The following CDH13 variants were observed in gnomAD, a reference collection of about 807,000 sequenced individuals.
CDH13 encodes cadherin-13.
CDH13 carries 24 observed loss-of-function variants against 63.8 expected under a neutral mutation model. That is an observed-to-expected ratio of 0.38 (90% CI 0.27 to 0.53). CDH13 has a LOEUF of 0.53. CDH13 is among the 20% of genes least tolerant of loss of function. The pLI is 0.85. For missense variants in CDH13, 1,049 were observed against 903.1 expected, an observed-to-expected ratio of 1.16 and a Z score of -2.07; for synonymous variants, 503 against 355.3, an observed-to-expected ratio of 1.42 and a Z score of -4.67.
intron 1 of CDH13, among the ~76,000 whole-genome samples, chr16:82,852,758 A>T (rs1036487408): frequency 1.3e-5 from 2 of 152,352 alleles, no homozygotes. Context: ...AGTGGTGCTG[A>T]GAAGGAAAGC....
At chr16:82,941,437 T>G (rs7200922) in intron 2 of CDH13, among the ~76,000 whole-genome samples, 48,733 of 152,068 alleles carry the variant, frequency 0.32, 8,963 homozygotes, top group African/African-American at 0.5. Flanking sequence ...CTCCTAGCTC[T>G]AAGATCAGCT....
intron 11 of CDH13, among the ~76,000 whole-genome samples, chr16:83,768,303 G>C (rs1465682884): frequency 3.3e-5 from 5 of 152,102 alleles, no homozygotes; most frequent in Non-Finnish European, 7.4e-5. Context: ...TAGCTAAGTG[G>C]AAATCCTGTT....
intron 1 of CDH13, among the ~76,000 whole-genome samples, chr16:82,694,977 A>G (rs1177061044): frequency 6.6e-6 from 1 of 152,092 alleles, no homozygotes; most frequent in Non-Finnish European, 1.5e-5. Context: ...TTTGAAGGAA[A>G]ACACATAATG....
chr16:82,703,463 C>T (rs1363080590), intron 1 of CDH13, among the ~76,000 whole-genome samples: 3 of 152,108 alleles, frequency 2.0e-5, no homozygotes, highest in Admixed American at 6.5e-5. Context: ...GGATAAATTT[C>T]CCCACTCCCT....
chr16:83,743,748 C>CCTTTTTTTTTT (rs1912280138), intron 10 of CDH13, among the ~76,000 whole-genome samples: 1 of 76,258 alleles, frequency 1.3e-5, no homozygotes, highest in African/African-American at 5.5e-5. Context: ...TTTCTTTTTT[C>CCTTTTTTTTTT]TTTTTTTTTT....
chr16:82,771,494 C>T (rs1292392744), intron 1 of CDH13, among the ~76,000 whole-genome samples: 1 of 152,180 alleles, frequency 6.6e-6, no homozygotes, highest in Non-Finnish European at 1.5e-5. Flanking sequence ...CATTACAGCT[C>T]GCTTCACCAC....
chr16:83,080,881 T>TG (rs1231075954), intron 3 of CDH13, among the ~76,000 whole-genome samples: 4 of 110,754 alleles, frequency 3.6e-5, no homozygotes, highest in East Asian at 3.1e-4. Context: ...GTTTTTTTTT[T>TG]TTTTTTTTTT....
intron 2 of CDH13, among the ~76,000 whole-genome samples, chr16:82,870,111 G>A (rs756922225): frequency 4.0e-5 from 6 of 151,746 alleles, no homozygotes; most frequent in Non-Finnish European, 7.4e-5. Context: ...ATATAAGGAA[G>A]TCAAACAACT....
chr16:83,584,675 T>A (rs1359256849), intron 7 of CDH13, among the ~76,000 whole-genome samples: 4 of 152,216 alleles, frequency 2.6e-5, no homozygotes, highest in Non-Finnish European at 5.9e-5. Context: ...TGTAGTGTTA[T>A]GATGCTGAGA....
intron 4 of CDH13, among the ~76,000 whole-genome samples, chr16:83,128,421 G>A (rs979885829): frequency 6.6e-6 from 1 of 152,168 alleles, no homozygotes; most frequent in East Asian, 1.9e-4. Context: ...CAGCTTCTAG[G>A]TGATTGTGAT....
chr16:83,001,457 G>A (rs1912920553), intron 2 of CDH13, among the ~76,000 whole-genome samples: 1 of 152,288 alleles, frequency 6.6e-6, no homozygotes, highest in Admixed American at 6.5e-5. Flanking sequence ...GCTCCAATGG[G>A]CCAGTATTCA....
chr16:82,853,507 G>A (rs922276222), intron 1 of CDH13, among the ~76,000 whole-genome samples: 3 of 152,170 alleles, frequency 2.0e-5, no homozygotes, highest in African/African-American at 7.2e-5. Flanking sequence ...CATAACGGGT[G>A]AGATACCATT....
intron 5 of CDH13, among the ~76,000 whole-genome samples, chr16:83,258,084 G>A (rs1294769635): frequency 6.6e-6 from 1 of 152,142 alleles, no homozygotes; most frequent in African/African-American, 2.4e-5. Context: ...AAATTAAACT[G>A]AGTCTTTATA....
intron 4 of CDH13, among the ~76,000 whole-genome samples, chr16:83,145,239 G>A (rs371819606): frequency 7.6e-4 from 116 of 152,252 alleles, no homozygotes; most frequent in Middle Eastern, 3.4e-3. Context: ...TGACAAACTC[G>A]GAGCAGGGGT....
chr16:83,765,997 T>G (rs1209332786), intron 11 of CDH13, among the ~76,000 whole-genome samples: 2 of 152,186 alleles, frequency 1.3e-5, no homozygotes, highest in African/African-American at 4.8e-5. Context: ...GTACCGCTCT[T>G]GTGTCCATGC....
At chr16:83,442,353 T>C (rs182613288) in intron 6 of CDH13, among the ~76,000 whole-genome samples, 1 of 152,280 alleles carries the variant, frequency 6.6e-6, no homozygotes, top group East Asian at 1.9e-4. Flanking sequence ...ACATCCTGCC[T>C]CCCACCTCCA....
At position 83,184,153 on chromosome 16, in the gene CDH13, A is replaced by T. The variant is rs2038439540; in HGVS notation, c.484-33192A>T. 4.0e-5 allele frequency among the ~76,000 whole-genome samples: 6 copies of T among 151,394 alleles called. No homozygotes were observed. The South Asian group carries it at 1.3e-3, about 32-fold the overall frequency. ...ACACACACACACAACTAGTAAAAAAAAAAAAAGTCAGAACAATGAATAGCT... is the reference window on the plus strand; with the variant it reads ...ACACACACACACAACTAGTAAAAAATAAAAAAGTCAGAACAATGAATAGCT... On this transcript the variant is annotated intron_variant, in intron 4 of 13. Coordinates refer to ENST00000567109, the MANE Select transcript of CDH13 (RefSeq NM_001257.5).
intron 8 of CDH13, among the ~76,000 whole-genome samples, chr16:83,610,796 T>C (rs1340030436): frequency 6.6e-6 from 1 of 152,202 alleles, no homozygotes; most frequent in Non-Finnish European, 1.5e-5. Flanking sequence ...TGTCTTTTGG[T>C]GCATATTTGA....
intron 1 of CDH13, among the ~76,000 whole-genome samples, chr16:82,738,410 G>A (rs533109814): frequency 2.4e-4 from 36 of 152,236 alleles, no homozygotes; most frequent in African/African-American, 7.7e-4. Flanking sequence ...GCCTCTTGCC[G>A]GAGTCCTCAC....
Sources: allele counts gnomAD v4.1 joint callset (sites outside exome capture counted in the v4.1 genomes callset), GRCh38; gene constraint gnomAD v4.1.1; transcripts MANE v1.5; gene names NCBI Gene and HGNC (gene_info 2026-07-23, HGNC 2026-07-21).